The following KHDRBS2 variants were observed in gnomAD, a reference collection of about 807,000 sequenced individuals.
KHDRBS2 encodes the protein KH RNA binding domain containing, signal transduction associated 2, also known as KH domain-containing, RNA-binding, signal transduction-associated protein 2.
KHDRBS2 carries 26 observed loss-of-function variants against 44.3 expected under a neutral mutation model. That is an observed-to-expected ratio of 0.59 (90% CI 0.43 to 0.81). The LOEUF is 0.81. Ranked by LOEUF, KHDRBS2 falls within the 40% of genes least tolerant of loss-of-function variation. The pLI, the probability that KHDRBS2 is intolerant of heterozygous loss-of-function variation, is 0.00. For synonymous variants in KHDRBS2, 194 were observed against 151.1 expected (o/e 1.28, Z -2.08); for missense variants, 476 against 433.1 (o/e 1.10, Z -0.88).
chr6:62,057,837 T>C (rs1180501386), intron 2 of KHDRBS2, among the ~76,000 whole-genome samples: 3 of 151,976 alleles, frequency 2.0e-5, no homozygotes, highest in Non-Finnish European at 4.4e-5. Flanking sequence ...TAATAACATG[T>C]CTATTAACCA....
At chr6:61,863,467 CGAGA>C (rs1221077488) in intron 6 of KHDRBS2, among the ~76,000 whole-genome samples, 3 of 151,898 alleles carry the variant, frequency 2.0e-5, no homozygotes, top group Non-Finnish European at 4.4e-5. Flanking sequence ...TTGCTGTATC[CGAGA>C]GAATCTGGTA....
the KHDRBS2 span, among the ~76,000 whole-genome samples, chr6:61,636,061 C>T: frequency 6.6e-6 from 1 of 151,928 alleles, no homozygotes; most frequent in Non-Finnish European, 1.5e-5. Flanking sequence ...ATACATATTC[C>T]ACAATATTCC....
chr6:61,828,264 T>C lies in KHDRBS2; in HGVS notation c.810+66371A>G, dbSNP rs189380061. On this transcript the variant is annotated intron_variant, in intron 6 of 8. Coordinates refer to ENST00000281156, the MANE Select transcript of KHDRBS2 (RefSeq NM_152688.4). ...GCTCAACCATCTCATGAGGCTTCAA[T>C]GCACAAATAAGCACAGAGATCACAT... Among the ~76,000 whole-genome samples the C allele has an allele frequency of 8.9e-4, 136 of 152,330 alleles. 1 individual carries two copies. Among genetic ancestry groups the C allele is most frequent in the African/African-American group, 3.1e-3 (128 of 41,586 alleles).
Position 61,955,711 on chromosome 6 carries a change from TATGTATGTATACATATATAGA to T in KHDRBS2, c.483+22334_483+22354del, listed in dbSNP as rs1246864244. On this transcript the variant is annotated intron_variant, in intron 4 of 8. Transcript: ENST00000281156. Reference sequence around the variant, plus strand: ...ATACATATATGTGTATATATACACATATGTATGTATACATATATAGACAGAGAGAGAGGTAGACAGACAGAG... The same window carrying T: ...ATACATATATGTGTATATATACACATCAGAGAGAGAGGTAGACAGACAGAG... 4.3e-4 allele frequency among the ~76,000 whole-genome samples: 28 copies of T among 64,628 alleles called. 4 individuals are homozygous for T. Among genetic ancestry groups the T allele is most frequent in the East Asian group, 1.1e-3 (2 of 1,830 alleles). 42.4% of individuals were successfully genotyped at this position (64,628 alleles called of 152,430 possible).
At chr6:61,725,457 A>G (rs1334015454) in intron 7 of KHDRBS2, among the ~76,000 whole-genome samples, 1 of 152,144 alleles carries the variant, frequency 6.6e-6, no homozygotes, top group Non-Finnish European at 1.5e-5. Flanking sequence ...AGTGGAACTA[A>G]TGGAGATAGA....
the KHDRBS2 span, among the ~76,000 whole-genome samples, chr6:61,579,447 G>A: frequency 1.3e-5 from 2 of 152,000 alleles, no homozygotes; most frequent in Non-Finnish European, 2.9e-5. Context: ...TTCTCATTTT[G>A]TTTTGTTTTG....
At chr6:61,886,436 C>T (rs1415849122) in intron 6 of KHDRBS2, among the ~76,000 whole-genome samples, 1 of 152,068 alleles carries the variant, frequency 6.6e-6, no homozygotes, top group Non-Finnish European at 1.5e-5. Flanking sequence ...TCCTTGCAGT[C>T]GTTTTTCTTA....
At chr6:61,794,109 G>T (rs974936628) in intron 6 of KHDRBS2, among the ~76,000 whole-genome samples, 2 of 152,128 alleles carry the variant, frequency 1.3e-5, no homozygotes, top group Non-Finnish European at 2.9e-5. Context: ...AAGGTCTAGA[G>T]AGTTTTGGTA....
the KHDRBS2 span, among the ~76,000 whole-genome samples, chr6:61,671,611 A>G: frequency 0.034 from 5,087 of 151,774 alleles, 282 homozygotes; most frequent in African/African-American, 0.12. Flanking sequence ...GGATTTGGAA[A>G]ACTGGTACCT....
chr6:62,177,575 TTTAA>T (rs1821409475), intron 1 of KHDRBS2, among the ~76,000 whole-genome samples: 1 of 151,412 alleles, frequency 6.6e-6, no homozygotes, highest in African/African-American at 2.4e-5. Context: ...AATTGATGAA[TTTAA>T]TTAATTTTTA....
At position 61,901,302 on chromosome 6, in the gene KHDRBS2, C is replaced by T; in HGVS notation, c.553G>A (p.Gly185Ser). 1 of 1,613,268 alleles carries T rather than the reference C, an allele frequency of 6.2e-7. No homozygotes were observed. Among genetic ancestry groups the T allele is most frequent in the Non-Finnish European group, 8.5e-7 (1 of 1,179,396 alleles). Residue 185 changes from glycine to serine, a missense_variant, in exon 5 of 9, where the codon GGT becomes AGT. Coordinates refer to ENST00000281156, the MANE Select transcript of KHDRBS2 (RefSeq NM_152688.4). ...LSYLNGSEDS[G>S]RGRGIRGRGI... Reference sequence around the variant, plus strand: ...CTGCCTCTAATACCTCTGCCACGACCAGAGTCCTCTGAGCCATTTAAGTAA... The same window carrying T: ...CTGCCTCTAATACCTCTGCCACGACTAGAGTCCTCTGAGCCATTTAAGTAA...
At chr6:61,703,609 A>T (rs1769026937) in intron 7 of KHDRBS2, among the ~76,000 whole-genome samples, 3 of 151,872 alleles carry the variant, frequency 2.0e-5, no homozygotes, top group Admixed American at 2.0e-4. Flanking sequence ...TAGTGCCTTT[A>T]TTTTTATATC....
At chr6:62,214,189 C>T (rs1829595212) in intron 1 of KHDRBS2, among the ~76,000 whole-genome samples, 1 of 151,990 alleles carries the variant, frequency 6.6e-6, no homozygotes, top group Non-Finnish European at 1.5e-5. Context: ...TTTCTTTGTG[C>T]AAAGTATATT....
At chr6:62,003,872 T>C (rs952968828) in intron 3 of KHDRBS2, among the ~76,000 whole-genome samples, 16 of 151,982 alleles carry the variant, frequency 1.1e-4, no homozygotes, top group Admixed American at 8.5e-4. Context: ...CACAACTACA[T>C]GGAAACCAAA....
chr6:61,718,574 C>T (rs1466418176), intron 7 of KHDRBS2, among the ~76,000 whole-genome samples: 1 of 152,048 alleles, frequency 6.6e-6, no homozygotes, highest in Non-Finnish European at 1.5e-5. Context: ...TTTTCCTCTG[C>T]TTCCTACTGG....
intron 7 of KHDRBS2, among the ~76,000 whole-genome samples, chr6:61,713,054 A>G (rs893983171): frequency 9.2e-5 from 14 of 151,492 alleles, no homozygotes; most frequent in African/African-American, 3.1e-4. Context: ...TTCTTCATAT[A>G]TTAAATACAA....
At chr6:61,585,304 G>T in the KHDRBS2 span, among the ~76,000 whole-genome samples, 1 of 151,890 alleles carries the variant, frequency 6.6e-6, no homozygotes, top group Non-Finnish European at 1.5e-5. Flanking sequence ...AGAGAAAAAT[G>T]GTACTTCATC....
the KHDRBS2 span, among the ~76,000 whole-genome samples, chr6:61,655,577 AT>A: frequency 1.3e-5 from 2 of 151,884 alleles, no homozygotes; most frequent in South Asian, 2.1e-4. Context: ...TTTAAGACAT[AT>A]TTTTTTTCTG....
intron 1 of KHDRBS2, among the ~76,000 whole-genome samples, chr6:62,181,722 T>A (rs1216537721): frequency 6.6e-6 from 1 of 151,894 alleles, no homozygotes; most frequent in Non-Finnish European, 1.5e-5. Flanking sequence ...AAATCCTGAC[T>A]CCAAGATGAC....
Sources: gnomAD v4.1 joint callset for allele counts (sites outside exome capture counted in the v4.1 genomes callset) on GRCh38, gnomAD v4.1.1 for gene constraint, MANE v1.5 for transcripts, NCBI Gene and HGNC (gene_info 2026-07-23, HGNC 2026-07-21) for gene names.